Variants in ATP2C1 observed in about 807,000 individuals in gnomAD.
ATP2C1 encodes ATPase secretory pathway Ca2+ transporting 1, also known as calcium-transporting ATPase type 2C member 1.
ATP2C1 carries 31 observed loss-of-function variants against 120.5 expected under a neutral mutation model. The observed-to-expected ratio is 0.26, with a 90% CI of 0.19 to 0.35. ATP2C1 has a LOEUF of 0.35. Ranked by LOEUF, ATP2C1 falls within the 10% of genes least tolerant of loss-of-function variation. ATP2C1 has a pLI of 1.00. For synonymous variants in ATP2C1, 351 were observed against 358.7 expected, an observed-to-expected ratio of 0.98 and a Z score of 0.24; for missense variants, 731 against 1,107.5, an observed-to-expected ratio of 0.66 and a Z score of 4.83.
intron 1 of ATP2C1, among the ~76,000 whole-genome samples, chr3:130,878,724 A>G (rs62280757): frequency 0.1 from 15,295 of 152,174 alleles, 880 homozygotes; most frequent in Non-Finnish European, 0.13. Flanking sequence ...CTCCTGGCCT[A>G]TAAGGTTTCT....
chr3:130,970,484 C>T (rs1460064239), intron 17 of ATP2C1, among the ~76,000 whole-genome samples: 1 of 151,972 alleles, frequency 6.6e-6, no homozygotes, highest in Non-Finnish European at 1.5e-5. Context: ...CTCAACCTCC[C>T]CTGGCACAAG....
At chr3:130,851,239 A>T (rs187729424) in intron 1 of ATP2C1, among the ~76,000 whole-genome samples, 2 of 152,352 alleles carry the variant, frequency 1.3e-5, no homozygotes, top group East Asian at 3.9e-4. Context: ...TCAGATACAA[A>T]ATTTGACACT....
At chr3:130,852,522 T>G (rs534729928) in intron 1 of ATP2C1, among the ~76,000 whole-genome samples, 3 of 152,284 alleles carry the variant, frequency 2.0e-5, no homozygotes, top group Non-Finnish European at 2.9e-5. Flanking sequence ...GTACAACCAT[T>G]TGGGACAACC....
chr3:131,012,322 A>G (rs2063353285), intron 26 of ATP2C1, among the ~76,000 whole-genome samples: 1 of 138,338 alleles, frequency 7.2e-6, no homozygotes, highest in South Asian at 2.2e-4. Flanking sequence ...CAGTGGCGCC[A>G]TCTCGGTTCA....
At chr3:130,944,410 A>G (rs2669859) in intron 8 of ATP2C1, among the ~76,000 whole-genome samples, 26,809 of 152,194 alleles carry the variant, frequency 0.18, 2,525 homozygotes, top group Middle Eastern at 0.24. Flanking sequence ...TTCAAGGTCA[A>G]GGTCTGGCAG....
chr3:130,947,066 G>A (rs975127004), intron 8 of ATP2C1, among the ~76,000 whole-genome samples: 11 of 152,248 alleles, frequency 7.2e-5, no homozygotes, highest in African/African-American at 2.4e-4. Context: ...TAGGCAAGCC[G>A]CTTGATTTTT....
intron 5 of ATP2C1, among the ~76,000 whole-genome samples, chr3:130,936,851 A>G (rs2108406128): frequency 6.6e-6 from 1 of 151,478 alleles, no homozygotes; most frequent in East Asian, 1.9e-4. Context: ...TCCCTAAAAA[A>G]AATAAAAAAG....
chr3:131,011,092 A>T (rs1363045449), intron 26 of ATP2C1, among the ~76,000 whole-genome samples: 1 of 152,234 alleles, frequency 6.6e-6, no homozygotes, highest in African/African-American at 2.4e-5. Flanking sequence ...CAAAGGAGAA[A>T]AAGATAATTC....
intron 1 of ATP2C1, among the ~76,000 whole-genome samples, chr3:130,870,723 G>A (rs1382935210): frequency 6.6e-6 from 1 of 152,146 alleles, no homozygotes; most frequent in Non-Finnish European, 1.5e-5. Context: ...CCTATTGCTG[G>A]GTAGATATGC....
At chr3:130,933,649 A>T (rs1273208976) in intron 4 of ATP2C1, among the ~76,000 whole-genome samples, 1 of 152,174 alleles carries the variant, frequency 6.6e-6, no homozygotes, top group African/African-American at 2.4e-5. Flanking sequence ...ATTATTTTTT[A>T]AAAATCCTCG....
chr3:130,905,021 A>G (rs565821372), intron 2 of ATP2C1, among the ~76,000 whole-genome samples: 5 of 151,924 alleles, frequency 3.3e-5, no homozygotes, highest in East Asian at 1.9e-4. Flanking sequence ...TGTGAGCACT[A>G]ATTTACTTTC....
intron 5 of ATP2C1, among the ~76,000 whole-genome samples, chr3:130,936,060 A>G (rs1048576987): frequency 6.6e-6 from 1 of 152,238 alleles, no homozygotes; most frequent in Non-Finnish European, 1.5e-5. Context: ...GGCAACTGGC[A>G]GAATTTGTTG....
chr3:130,958,523 A>G (rs1000615360), intron 11 of ATP2C1, among the ~76,000 whole-genome samples: 1 of 152,060 alleles, frequency 6.6e-6, no homozygotes, highest in Non-Finnish European at 1.5e-5. Flanking sequence ...TTATATAAAG[A>G]TGAAAAAAAA....
At chr3:130,894,017 G>A (rs75314013), upstream of ATP2C1, 52,242 of 986,402 alleles carry the variant, frequency 0.053, 1,476 homozygotes, top group South Asian at 0.09. The surrounding 1 kb of genome is among the most constrained non-coding windows in gnomAD (Gnocchi z 4.5). Context: ...GCTGGCCCAG[G>A]AGTGCGGGGC....
chr3:131,004,014 GTACCTGGAGTGTGC>G (rs369579128), downstream of ATP2C1, among the ~76,000 whole-genome samples: 2 of 152,192 alleles, frequency 1.3e-5, no homozygotes, highest in East Asian at 3.9e-4. Flanking sequence ...CATTTTTTTA[GTACCTGGAGTGTGC>G]TAGAAGTAGA....
intron 8 of ATP2C1, among the ~76,000 whole-genome samples, chr3:130,949,687 C>G (rs533307364): frequency 5.9e-5 from 9 of 152,088 alleles, no homozygotes; most frequent in Non-Finnish European, 1.0e-4. Flanking sequence ...AAGCATCTAC[C>G]ACGGGATAAA....
chr3:130,857,848 T>C (rs1380838814), intron 1 of ATP2C1, among the ~76,000 whole-genome samples: 1 of 152,024 alleles, frequency 6.6e-6, no homozygotes, highest in Non-Finnish European at 1.5e-5. Flanking sequence ...GATCACAAGG[T>C]GAAATCCCAC....
At position 130,858,593 on chromosome 3, in the gene ATP2C1, C is replaced by T. The variant is rs12487904; in HGVS notation, c.108+7665C>T. 1.6e-3 allele frequency among the ~76,000 whole-genome samples: 241 copies of T among 152,272 alleles called. 4 individuals are homozygous for T. The highest frequency in any genetic ancestry group is 0.015 in the Admixed American group (224 of 15,290). On this transcript the variant is annotated intron_variant, in intron 1 of 26. Transcript: ENST00000504381. ...GGGGGCTATTTGATTCCCGATGTAT[C>T]CCAGGTGACTAGCAAAGTGCCTGAC... is the stretch of plus-strand genomic sequence containing the variant.
chr3:130,913,583 A>G (rs1489466059), intron 2 of ATP2C1, among the ~76,000 whole-genome samples: 2 of 152,328 alleles, frequency 1.3e-5, no homozygotes, highest in Middle Eastern at 3.4e-3. Context: ...CTCCTTTTCC[A>G]AAGTTAAAAT....
Sources: allele counts gnomAD v4.1 joint callset (sites outside exome capture counted in the v4.1 genomes callset), GRCh38; gene constraint gnomAD v4.1.1; non-coding constraint Gnocchi (gnomAD v3.1); transcripts MANE v1.5; gene names NCBI Gene and HGNC (gene_info 2026-07-23, HGNC 2026-07-21).